Variants in SOX5 observed in about 807,000 individuals in gnomAD.
The protein encoded by SOX5 is SRY-box transcription factor 5.
SOX5 carries 9 observed loss-of-function variants against 92.0 expected under a neutral mutation model. That is an observed-to-expected ratio of 0.10 (90% CI 0.06 to 0.17). The LOEUF is 0.17. SOX5 is among the 10% of genes least tolerant of loss of function. The pLI, the probability that SOX5 is intolerant of heterozygous loss-of-function variation, is 1.00. For synonymous variants in SOX5, 344 were observed against 336.3 expected (o/e 1.02, Z -0.25); for missense variants, 642 against 944.5 (o/e 0.68, Z 4.20).
chr12:23,916,384 G>A (rs542200020), intron 1 of SOX5, among the ~76,000 whole-genome samples: 2 of 152,114 alleles, frequency 1.3e-5, no homozygotes, highest in Non-Finnish European at 2.9e-5. Flanking sequence ...GTAGATTTCT[G>A]CAGGCTATCA....
chr12:24,559,104 T>C (rs1954090285), intron 1 of SOX5, among the ~76,000 whole-genome samples: 1 of 152,230 alleles, frequency 6.6e-6, no homozygotes, highest in Admixed American at 6.5e-5. Flanking sequence ...TTTCATTAAC[T>C]ATCTACAAAT....
intron 4 of SOX5, among the ~76,000 whole-genome samples, chr12:24,026,633 C>T (rs983026162): frequency 4.7e-5 from 7 of 149,268 alleles, no homozygotes; most frequent in Non-Finnish European, 7.4e-5. Context: ...TTTCACCAGG[C>T]GTGGTGGCAC....
At chr12:24,330,352 G>A (rs548194881) in intron 2 of SOX5, among the ~76,000 whole-genome samples, 22 of 152,140 alleles carry the variant, frequency 1.4e-4, no homozygotes, top group Admixed American at 1.2e-3. Flanking sequence ...AAGATGAAAG[G>A]AAAAAAAGGG....
chr12:23,976,998 T>C (rs747811433), intron 4 of SOX5, among the ~76,000 whole-genome samples: 2 of 152,160 alleles, frequency 1.3e-5, no homozygotes, highest in East Asian at 1.9e-4. Flanking sequence ...TTCCCAAATA[T>C]ACCAATATAC....
intron 4 of SOX5, among the ~76,000 whole-genome samples, chr12:23,966,678 T>C (rs1475348498): frequency 6.6e-5 from 10 of 152,188 alleles, no homozygotes; most frequent in Admixed American, 6.5e-4. Context: ...CAAATTCTAG[T>C]TCTGACCTAT....
At chr12:23,667,874 A>G (rs1234396344) in intron 6 of SOX5, among the ~76,000 whole-genome samples, 1 of 152,220 alleles carries the variant, frequency 6.6e-6, no homozygotes, top group East Asian at 1.9e-4. Context: ...TGGTTAATCT[A>G]TGTGAGCGAC....
chr12:24,291,075 G>A (rs1458548244), intron 2 of SOX5, among the ~76,000 whole-genome samples: 1 of 152,076 alleles, frequency 6.6e-6, no homozygotes, highest in Non-Finnish European at 1.5e-5. Context: ...ATTATCTACT[G>A]TTTATACTGT....
At chr12:24,257,310 T>C (rs1164246659) in intron 3 of SOX5, among the ~76,000 whole-genome samples, 1 of 152,206 alleles carries the variant, frequency 6.6e-6, no homozygotes, top group East Asian at 1.9e-4. Context: ...AAATAATATC[T>C]TCCTACATTC....
chr12:24,270,066 C>CT (rs35276785), intron 3 of SOX5, among the ~76,000 whole-genome samples: 23,110 of 150,870 alleles, frequency 0.15, 2,081 homozygotes, highest in South Asian at 0.22. Context: ...GTGGGAAACT[C>CT]TTTTTCTTTT....
chr12:24,403,452 G>T (rs1239411252), intron 1 of SOX5, among the ~76,000 whole-genome samples: 4 of 152,196 alleles, frequency 2.6e-5, no homozygotes, highest in Non-Finnish European at 2.9e-5. Flanking sequence ...AAAAAAGGAG[G>T]AGAAGCAAAT....
intron 4 of SOX5, among the ~76,000 whole-genome samples, chr12:24,049,636 T>C (rs1312999921): frequency 1.7e-5 from 2 of 115,430 alleles, no homozygotes; most frequent in African/African-American, 6.2e-5. Context: ...CAATCCTTCA[T>C]AGTTTTTTTT....
At chr12:24,186,882 A>T (rs1204956008) in intron 4 of SOX5, among the ~76,000 whole-genome samples, 1 of 152,090 alleles carries the variant, frequency 6.6e-6, no homozygotes, top group Non-Finnish European at 1.5e-5. Context: ...TTCCCCTAGG[A>T]TTTCTCCAAT....
chr12:23,986,812 T>G (rs1439879393), intron 4 of SOX5, among the ~76,000 whole-genome samples: 2 of 152,078 alleles, frequency 1.3e-5, no homozygotes, highest in African/African-American at 4.8e-5. Context: ...TTATGATCCT[T>G]TAGAGGTTTG....
At chr12:23,780,515 T>TA (rs34955683) in intron 3 of SOX5, among the ~76,000 whole-genome samples, 1 of 151,746 alleles carries the variant, frequency 6.6e-6, no homozygotes, top group Non-Finnish European at 1.5e-5. Context: ...TTGAGTGTAA[T>TA]AAAAAATTAG....
intron 8 of SOX5, among the ~76,000 whole-genome samples, chr12:23,616,782 G>C (rs2076606360): frequency 6.6e-6 from 1 of 152,048 alleles, no homozygotes; most frequent in African/African-American, 2.4e-5. Context: ...AAAATGACTT[G>C]AGTGGACAAA....
At chr12:24,522,517 A>AG (rs1300476773) in intron 1 of SOX5, among the ~76,000 whole-genome samples, 2 of 152,146 alleles carry the variant, frequency 1.3e-5, no homozygotes, top group African/African-American at 4.8e-5. Context: ...CAGATACAAA[A>AG]ATCCTGAGTA....
At chr12:23,704,367 G>A (rs1485239320) in intron 6 of SOX5, among the ~76,000 whole-genome samples, 1 of 151,672 alleles carries the variant, frequency 6.6e-6, no homozygotes, top group South Asian at 2.1e-4. Context: ...TGCAAAATAT[G>A]CAAAATCAAT....
chr12:24,230,849 T>A (rs1202914691), intron 3 of SOX5, among the ~76,000 whole-genome samples: 1 of 152,206 alleles, frequency 6.6e-6, no homozygotes, highest in Non-Finnish European at 1.5e-5. Context: ...AAATATCATG[T>A]CAAAGCAAAA....
rs147432586 is a variant in SOX5 at position 23,597,926 on chromosome 12, C to T, written c.1164+6461G>A. Among the ~76,000 whole-genome samples the T allele has an allele frequency of 2.1e-3, 324 of 152,230 alleles. 1 individual carries two copies. Among genetic ancestry groups the T allele is most frequent in the Middle Eastern group, 0.014 (4 of 294 alleles). On this transcript the variant is annotated intron_variant, in intron 9 of 14. Coordinates refer to ENST00000451604, the MANE Select transcript of SOX5 (RefSeq NM_006940.6). ...GTTATAATTAGCTGAGGCTAATACC[C>T]CTTTCTGTCCTGAACTTGTGGGAGA...
Sources: allele counts gnomAD v4.1 joint callset (sites outside exome capture counted in the v4.1 genomes callset), GRCh38; gene constraint gnomAD v4.1.1; transcripts MANE v1.5; gene names NCBI Gene and HGNC (gene_info 2026-07-23, HGNC 2026-07-21).